The following STON2 variants were observed in gnomAD, a reference collection of about 807,000 sequenced individuals.
STON2 encodes the protein stonin-2.
A neutral mutation model predicts 65.7 loss-of-function variants in STON2; 29 were observed. The ratio of observed to expected loss-of-function variants is 0.44; its 90% confidence interval spans 0.33 to 0.60. STON2 has a LOEUF of 0.60. Ranked by LOEUF, STON2 falls within the 20% of genes least tolerant of loss-of-function variation. STON2 has a pLI of 0.03. For synonymous variants in STON2, 404 were observed against 414.2 expected (o/e 0.98, Z 0.30); for missense variants, 1,054 against 1,118.1 (o/e 0.94, Z 0.82).
At chr14:81,338,218 T>C (rs1897450691) in intron 4 of STON2, among the ~76,000 whole-genome samples, 1 of 152,112 alleles carries the variant, frequency 6.6e-6, no homozygotes, top group Admixed American at 6.5e-5. Flanking sequence ...GAACCAACCA[T>C]GTGATGAAAG....
intron 4 of STON2, among the ~76,000 whole-genome samples, chr14:81,340,072 T>TG (rs1897539974): frequency 6.6e-6 from 1 of 152,308 alleles, no homozygotes; most frequent in Admixed American, 6.5e-5. Context: ...GAGAATGGCA[T>TG]AAACCCGGGG....
chr14:81,304,469 T>A (rs1896094585), intron 5 of STON2, among the ~76,000 whole-genome samples: 1 of 152,158 alleles, frequency 6.6e-6, no homozygotes, highest in Non-Finnish European at 1.5e-5. Context: ...ATGCTTGTAA[T>A]CCTAGCACTT....
rs1894355796 is a variant in STON2 at position 81,266,294 on chromosome 14, G to A, written c.*2120C>T. On this transcript the variant is annotated 3_prime_UTR_variant, in exon 8 of 8. Coordinates refer to ENST00000614646, the MANE Select transcript of STON2 (RefSeq NM_001394390.1). ...TTCCTCTTTAGAACAACTCTTATTA[G>A]ACAATTCTTCCTTATATTGAAGCAA... 5.8e-6 allele frequency: 1 copy of A among 172,738 alleles called. No homozygotes were observed. The highest frequency in any genetic ancestry group is 1.2e-5 in the Non-Finnish European group (1 of 86,764). The allele number at this position is 172,738 out of a possible 1,614,324, so 10.7% of individuals were successfully genotyped here.
rs1002897008 is a variant in STON2 at position 81,263,147 on chromosome 14, T to C, written c.*5267A>G. Reference sequence around the variant, plus strand: ...AGTTTTGCTTGAAATTCCTGTTAAATTGCATTCTGGACATGACCTAAGGCT... The same window carrying C: ...AGTTTTGCTTGAAATTCCTGTTAAACTGCATTCTGGACATGACCTAAGGCT... On this transcript the variant is annotated 3_prime_UTR_variant, in exon 8 of 8. Transcript: ENST00000614646. 1.0e-6 allele frequency: 1 copy of C among 985,452 alleles called. No homozygotes were observed. Among genetic ancestry groups the C allele is most frequent in the Non-Finnish European group, 1.2e-6 (1 of 829,932 alleles). 61.0% of individuals were successfully genotyped at this position (985,452 alleles called of 1,614,324 possible).
chr14:81,368,151 G>C (rs1898823252), intron 4 of STON2, among the ~76,000 whole-genome samples: 1 of 152,038 alleles, frequency 6.6e-6, no homozygotes, highest in Non-Finnish European at 1.5e-5. Flanking sequence ...GGAAGGTCTG[G>C]GGGGTAACAT....
intron 2 of STON2, among the ~76,000 whole-genome samples, chr14:81,397,829 A>G (rs1389259669): frequency 6.6e-6 from 1 of 152,116 alleles, no homozygotes. Flanking sequence ...AACCTGTGAG[A>G]TAGGTACTGA....
intron 1 of STON2, among the ~76,000 whole-genome samples, chr14:81,435,675 ACACACGCACGAATGCACACACACG>A (rs1240827156): frequency 1.3e-5 from 2 of 151,190 alleles, no homozygotes; most frequent in Non-Finnish European, 2.9e-5. Flanking sequence ...GGACGCGCAC[ACACACGCACGAATGCACACACACG>A]CACACGCGCG....
At chr14:81,273,414 T>C (rs1257941106) in intron 6 of STON2, among the ~76,000 whole-genome samples, 1 of 152,228 alleles carries the variant, frequency 6.6e-6, no homozygotes, top group African/African-American at 2.4e-5. Context: ...TTGGGACTGT[T>C]TTCCCTTCAC....
intron 4 of STON2, among the ~76,000 whole-genome samples, chr14:81,344,789 T>G (rs529549773): frequency 4.6e-5 from 7 of 152,262 alleles, no homozygotes; most frequent in Non-Finnish European, 7.3e-5. Context: ...ACCAAGTCAA[T>G]AGACATTACC....
chr14:81,366,825 A>T (rs1794769094), intron 4 of STON2, among the ~76,000 whole-genome samples: 1 of 110,020 alleles, frequency 9.1e-6, no homozygotes, highest in South Asian at 3.5e-4. Flanking sequence ...GAGAGATATT[A>T]AATTAAGATT....
chr14:81,398,299 C>G lies in STON2; in HGVS notation c.84G>C (p.Ser28=), dbSNP rs779396445. 6.2e-7 allele frequency: 1 copy of G among 1,612,040 alleles called. No homozygotes were observed. The highest frequency in any genetic ancestry group is 1.1e-5 in the South Asian group (1 of 90,880). ...GGAAACGAAGGCACTCCTTACCCTG[C>G]GAGTGGGCAGGAAAGGGTGGCTCTT... ...FNEEPPFPAH[S]QGGTEEHLPG... Residue 28 remains serine (S), a synonymous_variant, in exon 2 of 8, where the codon TCG becomes TCC. Coordinates refer to ENST00000614646, the MANE Select transcript of STON2 (RefSeq NM_001394390.1).
rs779642015 is a variant in STON2, at chr14:81,264,975, C to T, written c.*3439G>A. On this transcript the variant is annotated 3_prime_UTR_variant, in exon 8 of 8. Coordinates refer to ENST00000614646, the MANE Select transcript of STON2 (RefSeq NM_001394390.1). ...AAAGAAAGCACAGCTCTTGATACCA[C>T]GTGATATCTAATTTATGTTCTAAGA... 6.3e-5 allele frequency: 62 copies of T among 984,670 alleles called. No individual in the cohort carries two copies. Among genetic ancestry groups the T allele is most frequent in the Admixed American group, 3.7e-4 (6 of 16,252 alleles). 61.0% of individuals were successfully genotyped at this position (984,670 alleles called of 1,614,324 possible).
intron 5 of STON2, among the ~76,000 whole-genome samples, chr14:81,289,355 T>A (rs1383069803): frequency 3.9e-5 from 6 of 152,072 alleles, no homozygotes. Flanking sequence ...GTTGCAATAG[T>A]TAGAAGACAG....
intron 5 of STON2, among the ~76,000 whole-genome samples, chr14:81,310,603 A>T (rs1896386345): frequency 6.6e-6 from 1 of 152,208 alleles, no homozygotes; most frequent in Non-Finnish European, 1.5e-5. Context: ...GCTAACATTT[A>T]TTGAGGACTT....
chr14:81,325,328 T>C lies in STON2; in HGVS notation c.572-1141A>G, dbSNP rs563601880. Among the ~76,000 whole-genome samples, 7 of 152,310 alleles carry C rather than the reference T, an allele frequency of 4.6e-5. No individual in the cohort carries two copies. The East Asian group carries it at 1.2e-3, about 25-fold the overall frequency. The stretch of plus-strand genomic sequence containing the variant: ...ATAGCCTTTTGTATGCTAATATACA[T>C]TGTGACTCTCCAAGTTCAGGACCTA... On this transcript the variant is annotated intron_variant, in intron 4 of 7. Coordinates refer to ENST00000614646, the MANE Select transcript of STON2 (RefSeq NM_001394390.1).
chr14:81,351,559 G>C (rs1226038811), intron 4 of STON2, among the ~76,000 whole-genome samples: 1 of 152,222 alleles, frequency 6.6e-6, no homozygotes, highest in African/African-American at 2.4e-5. Context: ...ATCATCAGTA[G>C]GACTTTGTCA....
At chr14:81,309,471 T>A (rs1896339013) in intron 5 of STON2, among the ~76,000 whole-genome samples, 1 of 152,198 alleles carries the variant, frequency 6.6e-6, no homozygotes, top group South Asian at 2.1e-4. Context: ...TTTAAAATTT[T>A]ACTTAGTTAT....
Position 81,278,177 on chromosome 14 carries a change from G to A in STON2, c.1305C>T (p.His435=). The A allele has an allele frequency of 6.2e-7, 1 of 1,614,218 alleles. No individual in the cohort carries two copies. Among genetic ancestry groups the A allele is most frequent in the Non-Finnish European group, 8.5e-7 (1 of 1,180,038 alleles). The change falls in exon 6 of 8, where the codon CAC becomes CAT. Residue 435 remains histidine, a synonymous_variant. Coordinates refer to ENST00000614646, the MANE Select transcript of STON2 (RefSeq NM_001394390.1). The part of the protein sequence containing the change: ...SFDDSSKTQS[H]SDAVEKLKQL... ...GTTTGAGTTTTTCAACAGCATCAGA[G>A]TGTGACTGGGTTTTGCTTGAATCAT...
intron 3 of STON2, among the ~76,000 whole-genome samples, chr14:81,385,467 T>TACACTCACCATGGTG (rs1366030978): frequency 1.3e-5 from 2 of 152,214 alleles, no homozygotes; most frequent in Non-Finnish European, 2.9e-5. Flanking sequence ...ATGGTGTGTA[T>TACACTCACCATGGTG]ACACTCATGT....
Sources: allele counts gnomAD v4.1 joint callset (sites outside exome capture counted in the v4.1 genomes callset), GRCh38; gene constraint gnomAD v4.1.1; transcripts MANE v1.5; gene names NCBI Gene and HGNC (gene_info 2026-07-23, HGNC 2026-07-21).